The following DPEP1 variants were observed in gnomAD, a reference collection of about 807,000 sequenced individuals.
The protein encoded by DPEP1 is beta-lactamase.
Under a neutral mutation model 42.3 loss-of-function variants are expected in DPEP1, and 50 were observed. The observed-to-expected ratio is 1.18, with a 90% confidence interval of 0.94 to 1.50. The LOEUF (loss-of-function observed/expected upper bound fraction) is 1.50, where lower values mean the gene tolerates loss of function less well. Among genes scored for constraint, DPEP1 ranks in the 40% most tolerant of loss-of-function variants. The probability of loss-of-function intolerance (pLI) is 0.00; values close to 1 mark genes in which losing one functional copy is unlikely to be tolerated. For missense variants in DPEP1, 663 were observed against 553.0 expected, an observed-to-expected ratio of 1.20 and a Z score of -1.99; for synonymous variants, 297 against 234.0, an observed-to-expected ratio of 1.27 and a Z score of -2.46.
intron 1 of DPEP1, among the ~76,000 whole-genome samples, chr16:89,618,204 T>C (rs1597740184): frequency 6.6e-6 from 1 of 152,152 alleles, no homozygotes; most frequent in Non-Finnish European, 1.5e-5. Flanking sequence ...ACATTTTTAT[T>C]TTAATTAATT....
chr16:89,638,530 C>T (rs925963227), downstream of DPEP1: 30 of 1,171,870 alleles, frequency 2.6e-5, no homozygotes, highest in African/African-American at 8.0e-5. Flanking sequence ...GATCCTGGAT[C>T]GAGTCTTCGG....
intron 1 of DPEP1, among the ~76,000 whole-genome samples, chr16:89,617,426 C>T (rs906400838): frequency 6.6e-6 from 1 of 152,176 alleles, no homozygotes; most frequent in African/African-American, 2.4e-5. Flanking sequence ...AGCTCTGAGG[C>T]TTGCGCACAT....
chr16:89,638,985 C>T (rs2059721268), downstream of DPEP1, among the ~76,000 whole-genome samples: 1 of 81,310 alleles, frequency 1.2e-5, no homozygotes, highest in East Asian at 5.6e-4. Context: ...CACACACACA[C>T]CCCACCCCTG....
chr16:89,615,981 G>A (rs568993381), intron 1 of DPEP1, among the ~76,000 whole-genome samples: 1 of 152,134 alleles, frequency 6.6e-6, no homozygotes. Flanking sequence ...CCCCAGGCAG[G>A]AGAATTACTT....
At chr16:89,624,155 AG>A (rs2059478901) in intron 1 of DPEP1, among the ~76,000 whole-genome samples, 1 of 152,200 alleles carries the variant, frequency 6.6e-6, no homozygotes, top group South Asian at 2.1e-4. Flanking sequence ...GAATGGTTGC[AG>A]GGCCAACTCT....
At chr16:89,640,635 C>A, downstream of DPEP1, 1 of 977,402 alleles carries the variant, frequency 1.0e-6, no homozygotes, top group Non-Finnish European at 1.2e-6. Flanking sequence ...CAATAATCAT[C>A]CTGTCTGTTC....
At chr16:89,636,446 C>T in intron 4 of DPEP1, 50 bp downstream of exon 4, 5 of 1,597,804 alleles carry the variant, frequency 3.1e-6, no homozygotes, top group Non-Finnish European at 3.4e-6. Flanking sequence ...TCACCCAGCC[C>T]TCATCCTGAG....
Position 89,635,879 on chromosome 16 carries a change from C to T in DPEP1, c.105-29C>T, listed in dbSNP as rs1451324949. The T allele has an allele frequency of 8.9e-6, 14 of 1,568,730 alleles. No homozygotes were observed. In the South Asian group the frequency reaches 1.5e-4, roughly 17 times the overall value. On this transcript the variant is annotated intron_variant, in intron 2 of 10. Coordinates refer to ENST00000690203, the MANE Select transcript of DPEP1 (RefSeq NM_001389466.1). Reference sequence around the variant, plus strand: ...CCCCAGGTCCCAGTGGCCGCCCTGACTGCCTGGCCTCTCCCCGGCAAACTC... The same window carrying T: ...CCCCAGGTCCCAGTGGCCGCCCTGATTGCCTGGCCTCTCCCCGGCAAACTC...
At position 89,636,821 on chromosome 16, in the gene DPEP1, G is replaced by A. The variant is rs571512959; in HGVS notation, c.522-45G>A. 433 of 1,609,660 alleles carry A rather than the reference G, an allele frequency of 2.7e-4. 5 individuals carry two copies. The South Asian group carries it at 4.1e-3, about 15-fold the overall frequency. The stretch of plus-strand genomic sequence containing the variant: ...TCGCCTGCTGGGCTGATGGGAGGCC[G>A]AGACCACCGCTCACCTCTTGGGCAC... On this transcript the variant is annotated intron_variant, in intron 5 of 10. Coordinates refer to ENST00000690203, the MANE Select transcript of DPEP1 (RefSeq NM_001389466.1).
intron 2 of DPEP1, among the ~76,000 whole-genome samples, chr16:89,630,776 G>T (rs1162004507): frequency 1.3e-5 from 2 of 149,340 alleles, no homozygotes; most frequent in Admixed American, 6.7e-5. Context: ...AGTTGGGGCT[G>T]GGGGAGCTGG....
At chr16:89,617,228 G>A (rs2059387194) in intron 1 of DPEP1, among the ~76,000 whole-genome samples, 1 of 152,132 alleles carries the variant, frequency 6.6e-6, no homozygotes, top group Non-Finnish European at 1.5e-5. Context: ...GGGGTGCTTG[G>A]GGCTCTCATG....
At chr16:89,624,033 G>A (rs1326836599) in intron 1 of DPEP1, among the ~76,000 whole-genome samples, 1 of 152,158 alleles carries the variant, frequency 6.6e-6, no homozygotes, top group Non-Finnish European at 1.5e-5. Context: ...GTCACCTCCT[G>A]AGGGACAAAG....
At chr16:89,618,768 C>A (rs181406124) in intron 1 of DPEP1, among the ~76,000 whole-genome samples, 81 of 152,136 alleles carry the variant, frequency 5.3e-4, no homozygotes, top group Middle Eastern at 6.8e-3. Context: ...CAAAGTTGCA[C>A]AATTCGCATT....
intron 1 of DPEP1, among the ~76,000 whole-genome samples, chr16:89,615,120 G>A (rs1020848288): frequency 6.6e-6 from 1 of 152,208 alleles, no homozygotes; most frequent in African/African-American, 2.4e-5. Flanking sequence ...AATACCTCCC[G>A]CTGGGCCTCA....
intron 6 of DPEP1, 56 bp downstream of exon 6, chr16:89,636,991 G>T (rs1019318068): frequency 1.9e-6 from 3 of 1,601,154 alleles, no homozygotes; most frequent in Non-Finnish European, 2.6e-6. Flanking sequence ...GGCCCTGGAG[G>T]GTGACCAGAA....
intron 1 of DPEP1, chr16:89,616,806 CAGAA>C (rs2059382782): frequency 3.8e-6 from 1 of 261,628 alleles, no homozygotes; most frequent in South Asian, 3.1e-5. Flanking sequence ...AGGAAGCAGG[CAGAA>C]AGCGGCCAGG....
intron 1 of DPEP1, among the ~76,000 whole-genome samples, chr16:89,625,955 C>A (rs999942580): frequency 4.6e-5 from 7 of 152,298 alleles, no homozygotes; most frequent in African/African-American, 1.2e-4. Flanking sequence ...CCCAGGACGC[C>A]CTCGTGTTGA....
rs779603994 is a variant in DPEP1, at chr16:89,636,564, G to A, written c.402G>A (p.Val134=). 1.9e-6 allele frequency: 3 copies of A among 1,612,376 alleles called. No homozygotes were observed. The highest frequency in any genetic ancestry group is 2.2e-5 in the South Asian group (2 of 91,088). The change falls in exon 5 of 11, where the codon GTG becomes GTA. Residue 134 remains valine (V), a synonymous_variant. Transcript: ENST00000690203. ...GGCAGGCCTTCCGGGAAGGGAAGGT[G>A]GCCAGCCTGATCGGCGTGGAGGGCG... is the stretch of plus-strand genomic sequence containing the variant. ...GIRQAFREGK[V]ASLIGVEGGH...
At chr16:89,616,398 G>A (rs1264710053) in intron 1 of DPEP1, among the ~76,000 whole-genome samples, 3 of 152,168 alleles carry the variant, frequency 2.0e-5, no homozygotes, top group Admixed American at 1.3e-4. Context: ...CAGACGGGCG[G>A]AAAGGAGGGG....
Sources: gnomAD v4.1 joint callset for allele counts (sites outside exome capture counted in the v4.1 genomes callset) on GRCh38, gnomAD v4.1.1 for gene constraint, MANE v1.5 for transcripts, NCBI Gene and HGNC (gene_info 2026-07-23, HGNC 2026-07-21) for gene names.